NXPH1: variants seen among roughly 807,000 people sequenced by gnomAD.
NXPH1 encodes neurexophilin-1.
A neutral mutation model predicts 23.7 loss-of-function variants in NXPH1; 5 were observed. The ratio of observed to expected loss-of-function variants is 0.21; its 90% CI spans 0.11 to 0.44. The LOEUF (loss-of-function observed/expected upper bound fraction) is 0.44. NXPH1 is among the 20% of genes least tolerant of loss of function. The pLI is 0.99. For missense variants in NXPH1, 324 were observed against 321.6 expected (o/e 1.01, Z -0.06); for synonymous variants, 144 against 122.2 (o/e 1.18, Z -1.18).
At chr7:8,533,083 A>G (rs1342473512) in intron 2 of NXPH1, among the ~76,000 whole-genome samples, 4 of 152,128 alleles carry the variant, frequency 2.6e-5, no homozygotes, top group Non-Finnish European at 5.9e-5. Context: ...ATAGTTGAGA[A>G]AACAGGCACA....
chr7:8,610,729 T>G (rs1819600307), intron 2 of NXPH1, among the ~76,000 whole-genome samples: 1 of 152,144 alleles, frequency 6.6e-6, no homozygotes, highest in African/African-American at 2.4e-5. Flanking sequence ...TAACATGTAT[T>G]AATTGTGTAA....
chr7:8,699,694 A>G (rs1244420637), intron 2 of NXPH1, among the ~76,000 whole-genome samples: 1 of 152,184 alleles, frequency 6.6e-6, no homozygotes, highest in Non-Finnish European at 1.5e-5. Context: ...TGGGGAAAAT[A>G]CAAGTTAAAA....
At chr7:8,475,592 C>T (rs751781235) in intron 2 of NXPH1, among the ~76,000 whole-genome samples, 8 of 152,112 alleles carry the variant, frequency 5.3e-5, no homozygotes, top group South Asian at 2.1e-4. Flanking sequence ...TCTCTGCTAA[C>T]TGCAACAAGG....
At chr7:8,549,382 A>G (rs746470370) in intron 2 of NXPH1, among the ~76,000 whole-genome samples, 14 of 151,712 alleles carry the variant, frequency 9.2e-5, no homozygotes, top group Non-Finnish European at 1.9e-4. Context: ...TAACACATGC[A>G]CCACTACTTG....
rs1819697783 is a variant in NXPH1 at position 8,614,705 on chromosome 7, G to T, written c.55-136303G>T. 2.6e-5 allele frequency among the ~76,000 whole-genome samples: 4 copies of T among 152,010 alleles called. No individual in the cohort carries two copies. The East Asian group carries it at 7.7e-4, about 29-fold the overall frequency. The stretch of plus-strand genomic sequence containing the variant: ...CACTGGAAAGATTTAAATGATAAAA[G>T]TTGCCATAAATATTTTAGAAACTCT... On this transcript the variant is annotated intron_variant, in intron 2 of 2. Transcript: ENST00000405863.
intron 2 of NXPH1, among the ~76,000 whole-genome samples, chr7:8,440,082 C>G (rs1430604590): frequency 6.6e-6 from 1 of 152,234 alleles, no homozygotes; most frequent in South Asian, 2.1e-4. Context: ...TACTACAGAC[C>G]AGCCTTTTAG....
At chr7:8,629,469 C>A (rs1820076093) in intron 2 of NXPH1, among the ~76,000 whole-genome samples, 1 of 152,038 alleles carries the variant, frequency 6.6e-6, no homozygotes, top group Admixed American at 6.6e-5. Context: ...GACTTACATG[C>A]AGTTGGGGGA....
intron 2 of NXPH1, among the ~76,000 whole-genome samples, chr7:8,634,665 GTTTTT>G (rs144810873): frequency 0.01 from 989 of 95,346 alleles, 8 homozygotes; most frequent in African/African-American, 0.034. Flanking sequence ...GTCCAGAAGA[GTTTTT>G]TTTTTTTTTT....
intron 2 of NXPH1, among the ~76,000 whole-genome samples, chr7:8,532,721 G>A (rs936417795): frequency 3.3e-5 from 5 of 152,080 alleles, no homozygotes; most frequent in Admixed American, 1.3e-4. Context: ...AGACCGTAGC[G>A]TCATTTGCGC....
intron 2 of NXPH1, among the ~76,000 whole-genome samples, chr7:8,740,668 A>C (rs1388882133): frequency 9.2e-5 from 14 of 151,776 alleles, no homozygotes. Context: ...ACTGCTTTGC[A>C]TGAAGGAAAT....
chr7:8,495,635 C>T (rs1817321532), intron 2 of NXPH1, among the ~76,000 whole-genome samples: 1 of 151,958 alleles, frequency 6.6e-6, no homozygotes, highest in South Asian at 2.1e-4. Flanking sequence ...GGAGATGTAA[C>T]TGAAGAGAGG....
At chr7:8,564,219 C>G (rs570733237) in intron 2 of NXPH1, among the ~76,000 whole-genome samples, 1 of 151,744 alleles carries the variant, frequency 6.6e-6, no homozygotes, top group Non-Finnish European at 1.5e-5. Context: ...GTCTGTTTGC[C>G]ATCCTAGCCT....
At chr7:8,653,852 A>G (rs932805884) in intron 2 of NXPH1, among the ~76,000 whole-genome samples, 1 of 152,294 alleles carries the variant, frequency 6.6e-6, no homozygotes, top group Admixed American at 6.5e-5. Context: ...TTCATTTCTT[A>G]CAATACATAG....
intron 2 of NXPH1, among the ~76,000 whole-genome samples, chr7:8,597,554 G>A (rs1819253129): frequency 2.0e-5 from 3 of 151,974 alleles, no homozygotes; most frequent in Admixed American, 1.3e-4. Flanking sequence ...ACATTTGTAT[G>A]GGGACAGATA....
chr7:8,515,615 T>C (rs1479338858), intron 2 of NXPH1, among the ~76,000 whole-genome samples: 1 of 152,146 alleles, frequency 6.6e-6, no homozygotes, highest in Admixed American at 6.6e-5. Flanking sequence ...AATAGATTAA[T>C]AACACAACTC....
At chr7:8,546,007 G>T (rs1181791025) in intron 2 of NXPH1, among the ~76,000 whole-genome samples, 1 of 151,502 alleles carries the variant, frequency 6.6e-6, no homozygotes, top group Admixed American at 6.6e-5. Context: ...TCACCGTAAA[G>T]ATTGTAGCAA....
intron 2 of NXPH1, among the ~76,000 whole-genome samples, chr7:8,485,820 G>C (rs1342708616): frequency 6.6e-6 from 1 of 152,164 alleles, no homozygotes; most frequent in Non-Finnish European, 1.5e-5. Context: ...TTCAGGTATT[G>C]ATTAGGACCC....
chr7:8,637,238 T>TTTTG, intron 2 of NXPH1, among the ~76,000 whole-genome samples: 1 of 151,606 alleles, frequency 6.6e-6, no homozygotes, highest in South Asian at 2.1e-4. Context: ...TTTTTTTTTT[T>TTTTG]GAGAGAGAGG....
intron 2 of NXPH1, among the ~76,000 whole-genome samples, chr7:8,550,091 G>A (rs954065972): frequency 2.0e-5 from 3 of 151,596 alleles, no homozygotes; most frequent in African/African-American, 7.3e-5. Context: ...CCAATAGGTA[G>A]TTATAAAACT....
Sources: gnomAD v4.1 joint callset for allele counts (sites outside exome capture counted in the v4.1 genomes callset) on GRCh38, gnomAD v4.1.1 for gene constraint, MANE v1.5 for transcripts, NCBI Gene and HGNC (gene_info 2026-07-23, HGNC 2026-07-21) for gene names.